The following PCDHA4 variants were observed in gnomAD, a reference collection of about 807,000 sequenced individuals.
PCDHA4 encodes the protein protocadherin alpha-4.
In PCDHA4, 49 loss-of-function variants were observed where a neutral mutation model predicts 61.4. That is an observed-to-expected ratio of 0.80 (90% confidence interval 0.63 to 1.01). PCDHA4 has a LOEUF of 1.01. PCDHA4 is among the 50% of genes least tolerant of loss of function. The pLI is 0.00. For synonymous variants in PCDHA4, 590 were observed against 550.3 expected (o/e 1.07, Z -1.01); for missense variants, 1,254 against 1,235.8 (o/e 1.01, Z -0.22).
intron 1 of PCDHA4, among the ~76,000 whole-genome samples, chr5:140,907,888 C>G (rs1441879791): frequency 6.6e-6 from 1 of 152,234 alleles, no homozygotes; most frequent in Non-Finnish European, 1.5e-5. Flanking sequence ...ACATGGGATA[C>G]AAATATCTTC....
intron 1 of PCDHA4, among the ~76,000 whole-genome samples, chr5:140,942,598 A>C: frequency 7.1e-6 from 1 of 140,144 alleles, no homozygotes; most frequent in East Asian, 2.1e-4. Flanking sequence ...ATATAATTAT[A>C]GTGTTTATAT....
intron 1 of PCDHA4, chr5:140,851,223 A>G (rs1230955113): frequency 8.7e-7 from 1 of 1,147,336 alleles, no homozygotes; most frequent in Non-Finnish European, 1.1e-6. Flanking sequence ...TAACATCACT[A>G]TCATTTATTT....
In PCDHA4 at chr5:140,951,072, T is replaced by G. The variant is rs551891980; in HGVS notation, c.2386-27877T>G. Among the ~76,000 whole-genome samples the G allele has an allele frequency of 1.1e-4, 16 of 152,184 alleles. No individual in the cohort carries two copies. The South Asian group carries it at 3.1e-3, about 30-fold the overall frequency. ...ATTGCTAAAATTTCCATTGGCTTTCTTATATTTTCCTTTTTTTCTGATAAG... is the reference window on the plus strand; with the variant it reads ...ATTGCTAAAATTTCCATTGGCTTTCGTATATTTTCCTTTTTTTCTGATAAG... On this transcript the variant is annotated intron_variant, in intron 1 of 3. Transcript: ENST00000530339.
rs147674000 is a variant in PCDHA4, at chr5:140,809,124, G to A, written c.1937G>A (p.Arg646His). 7 of 1,613,980 alleles carry A rather than the reference G, an allele frequency of 4.3e-6. No homozygotes were observed. Among genetic ancestry groups the A allele is most frequent in the Admixed American group, 1.7e-5 (1 of 60,026 alleles). The change falls in exon 1 of 4, where the codon CGC (arginine) becomes CAC (histidine). Residue 646 changes from arginine (R) to histidine (H), a missense_variant. Arg to His is a conservative substitution (Grantham distance 29). Coordinates refer to ENST00000530339, the MANE Select transcript of PCDHA4 (RefSeq NM_018907.4). ...ALDETDAPRH[R>H]LLVLVKDHGE... ...GACGAAACGGACGCTCCGCGCCACC[G>A]CCTACTGGTACTGGTGAAGGACCAC...
At chr5:140,828,782 A>T (rs2150158879) in intron 1 of PCDHA4, 14 of 1,614,250 alleles carry the variant, frequency 8.7e-6, no homozygotes, top group Non-Finnish European at 7.6e-6. Flanking sequence ...GCTGCTGGTC[A>T]CAGTGCTGGA....
chr5:140,871,452 G>A (rs1207559291), intron 1 of PCDHA4: 2 of 1,608,490 alleles, frequency 1.2e-6, no homozygotes, highest in East Asian at 2.2e-5. Context: ...ATAAAGAGGA[G>A]GAAGGGGAAA....
chr5:141,006,491 G>A (rs142641127), intron 3 of PCDHA4, among the ~76,000 whole-genome samples: 4,876 of 152,234 alleles, frequency 0.032, 273 homozygotes, highest in African/African-American at 0.11. Context: ...GGGATTACAT[G>A]TGTGAGCCAC....
At chr5:140,956,020 T>C (rs2095249402) in intron 1 of PCDHA4, among the ~76,000 whole-genome samples, 1 of 152,240 alleles carries the variant, frequency 6.6e-6, no homozygotes, top group Non-Finnish European at 1.5e-5. Context: ...TTTGCTGAAG[T>C]TGCTTATCAG....
chr5:140,826,342 C>T (rs1288222380), intron 1 of PCDHA4, among the ~76,000 whole-genome samples: 3 of 152,070 alleles, frequency 2.0e-5, no homozygotes, highest in East Asian at 1.9e-4. Context: ...AAATTGAACC[C>T]TTTGTTTGCC....
chr5:140,900,252 AG>A (rs2067859572), intron 1 of PCDHA4, among the ~76,000 whole-genome samples: 1 of 152,096 alleles, frequency 6.6e-6, no homozygotes, highest in South Asian at 2.1e-4. Flanking sequence ...ATGGCTGAAT[AG>A]TACTCCATTG....
At position 141,010,397 on chromosome 5, in the gene PCDHA4, A is replaced by C; in HGVS notation, c.*460A>C. On this transcript the variant is annotated 3_prime_UTR_variant, in exon 4 of 4. Coordinates refer to ENST00000530339, the MANE Select transcript of PCDHA4 (RefSeq NM_018907.4). ...TGCCAGATATTGGCTGAGACGAGCC[A>C]GCTTAGACTAATTGGTACAAGGAAG... 7.5e-7 allele frequency: 1 copy of C among 1,329,462 alleles called. No individual in the cohort carries two copies. The highest frequency in any genetic ancestry group is 1.0e-6 in the Non-Finnish European group (1 of 994,158). The allele number at this position is 1,329,462 out of a possible 1,614,324, so 82.4% of individuals were successfully genotyped here.
At chr5:140,825,174 A>G (rs1768469302) in intron 1 of PCDHA4, 1 of 151,548 alleles carries the variant, frequency 6.6e-6, no homozygotes, top group Non-Finnish European at 1.5e-5. Flanking sequence ...TTCATTTACT[A>G]ATGTATCTTG....
At chr5:140,913,144 A>T (rs1473490766) in intron 1 of PCDHA4, among the ~76,000 whole-genome samples, 4 of 152,180 alleles carry the variant, frequency 2.6e-5, no homozygotes, top group Non-Finnish European at 5.9e-5. Context: ...TTTTTGGAAT[A>T]GTTTGAGTAG....
At chr5:140,877,276 G>T (rs1038142877) in intron 1 of PCDHA4, 4 of 1,613,744 alleles carry the variant, frequency 2.5e-6, no homozygotes, top group Admixed American at 1.7e-5. Flanking sequence ...CGCTGACTCC[G>T]GCTATAACGC....
chr5:140,936,054 G>A (rs1198755229), intron 1 of PCDHA4, among the ~76,000 whole-genome samples: 2 of 151,770 alleles, frequency 1.3e-5, no homozygotes, highest in Non-Finnish European at 1.5e-5. Flanking sequence ...CACCACACCC[G>A]GCTAATTTTT....
chr5:140,991,033 TACTTA>T (rs567583919), intron 3 of PCDHA4, among the ~76,000 whole-genome samples: 53 of 152,330 alleles, frequency 3.5e-4, no homozygotes, highest in African/African-American at 1.3e-3. Context: ...ATATGTTGCA[TACTTA>T]ACTTTGAGAG....
At chr5:140,962,601 C>T (rs1227208523) in intron 1 of PCDHA4, among the ~76,000 whole-genome samples, 1 of 152,160 alleles carries the variant, frequency 6.6e-6, no homozygotes, top group African/African-American at 2.4e-5. Context: ...TGATATATTT[C>T]TTCTGGAGGA....
intron 3 of PCDHA4, among the ~76,000 whole-genome samples, chr5:140,984,282 C>T (rs543279467): frequency 6.6e-6 from 1 of 152,296 alleles, no homozygotes; most frequent in Admixed American, 6.5e-5. Flanking sequence ...ATACATTCTC[C>T]CTCCCATTGG....
intron 1 of PCDHA4, chr5:140,827,909 A>T: frequency 1.2e-6 from 1 of 822,554 alleles, no homozygotes; most frequent in Non-Finnish European, 1.9e-6. Context: ...GAGCCGCATG[A>T]TGTCGCTGTC....
Sources: gnomAD v4.1 joint callset for allele counts (sites outside exome capture counted in the v4.1 genomes callset) on GRCh38, gnomAD v4.1.1 for gene constraint, MANE v1.5 for transcripts, NCBI Gene and HGNC (gene_info 2026-07-23, HGNC 2026-07-21) for gene names.